The following RBFOX1 variants were observed in gnomAD, a reference collection of about 807,000 sequenced individuals.
RBFOX1 encodes RNA binding protein fox-1 homolog 1.
Under a neutral mutation model 57.7 loss-of-function variants are expected in RBFOX1, and 8 were observed. The observed-to-expected ratio is 0.14, with a 90% CI of 0.08 to 0.25. The LOEUF (loss-of-function observed/expected upper bound fraction) is 0.25, where lower values mean the gene tolerates loss of function less well. RBFOX1 is among the 10% of genes least tolerant of loss of function. RBFOX1 has a pLI of 1.00. For synonymous variants in RBFOX1, 326 were observed against 222.4 expected (o/e 1.47, Z -4.15); for missense variants, 611 against 548.5 (o/e 1.11, Z -1.14).
intron 4 of RBFOX1, among the ~76,000 whole-genome samples, chr16:7,377,967 G>A (rs1243252617): frequency 1.6e-5 from 2 of 126,096 alleles, no homozygotes; most frequent in Non-Finnish European, 3.5e-5. Context: ...AGCCAGGGAG[G>A]TATGGAGAGG....
chr16:6,806,250 T>C (rs2086734546), intron 3 of RBFOX1, among the ~76,000 whole-genome samples: 1 of 152,208 alleles, frequency 6.6e-6, no homozygotes, highest in Non-Finnish European at 1.5e-5. Flanking sequence ...TTTTAGAGAT[T>C]TTTATGAAGT....
At chr16:5,717,692 C>G (rs2051763320) in intron 3 of RBFOX1, among the ~76,000 whole-genome samples, 1 of 152,198 alleles carries the variant, frequency 6.6e-6, no homozygotes, top group African/African-American at 2.4e-5. Flanking sequence ...GCCAGTATAT[C>G]ATTTCAACAC....
intron 3 of RBFOX1, among the ~76,000 whole-genome samples, chr16:7,027,116 G>A (rs557196111): frequency 5.9e-5 from 9 of 152,264 alleles, no homozygotes; most frequent in South Asian, 2.1e-4. Context: ...TCTCCTAAAC[G>A]CTTTCTATGC....
chr16:6,654,800 C>T (rs1185028697), intron 3 of RBFOX1, 150 bp downstream of exon 3: 2 of 566,788 alleles, frequency 3.5e-6, no homozygotes, highest in Non-Finnish European at 5.8e-6. Flanking sequence ...CTTAAAAATG[C>T]TTGTCATTTT....
chr16:6,100,478 C>G (rs1040454725), intron 1 of RBFOX1, among the ~76,000 whole-genome samples: 1 of 152,168 alleles, frequency 6.6e-6, no homozygotes, highest in Non-Finnish European at 1.5e-5. Flanking sequence ...TTGCTTTATT[C>G]TAATGTGATG....
intron 1 of RBFOX1, among the ~76,000 whole-genome samples, chr16:5,402,066 T>C (rs978626973): frequency 6.6e-6 from 1 of 152,092 alleles, no homozygotes; most frequent in African/African-American, 2.4e-5. Context: ...TCCTAAGGCA[T>C]TGGAGAGTAC....
chr16:5,709,331 T>A (rs561739922), intron 3 of RBFOX1, among the ~76,000 whole-genome samples: 96 of 152,330 alleles, frequency 6.3e-4, no homozygotes, highest in Middle Eastern at 3.4e-3. Flanking sequence ...GAGTAAGGAA[T>A]GGTTCTTCTG....
intron 3 of RBFOX1, among the ~76,000 whole-genome samples, chr16:6,882,604 T>TATAA (rs772136751): frequency 3.3e-5 from 5 of 151,940 alleles, no homozygotes; most frequent in Admixed American, 1.3e-4. Context: ...AATAAATAAA[T>TATAA]ATAAATAAAT....
intron 3 of RBFOX1, among the ~76,000 whole-genome samples, chr16:6,839,097 G>C (rs137935976): frequency 4.0e-5 from 6 of 151,624 alleles, no homozygotes; most frequent in Non-Finnish European, 8.8e-5. Context: ...TGATTCTCCC[G>C]CCTCAGCCTC....
At chr16:7,246,041 A>G (rs1386575286) in intron 4 of RBFOX1, among the ~76,000 whole-genome samples, 1 of 152,224 alleles carries the variant, frequency 6.6e-6, no homozygotes, top group Non-Finnish European at 1.5e-5. Context: ...CCCACCTTAG[A>G]TGAATGATTA....
chr16:6,710,418 A>G (rs925595351), intron 3 of RBFOX1, among the ~76,000 whole-genome samples: 3 of 152,210 alleles, frequency 2.0e-5, no homozygotes, highest in Admixed American at 2.0e-4. Context: ...AATATAAAAG[A>G]TATTTTACAT....
chr16:6,576,344 G>A (rs886771996), intron 2 of RBFOX1, among the ~76,000 whole-genome samples: 35 of 152,150 alleles, frequency 2.3e-4, no homozygotes, highest in African/African-American at 8.2e-4. Context: ...TTGGGATGTG[G>A]GAGGAAACCG....
intron 2 of RBFOX1, among the ~76,000 whole-genome samples, chr16:5,586,782 C>T (rs943496199): frequency 1.3e-5 from 2 of 152,218 alleles, no homozygotes; most frequent in African/African-American, 4.8e-5. Flanking sequence ...CAAGTGTAAG[C>T]CACCATGGCT....
chr16:6,776,788 C>G (rs575565827), intron 3 of RBFOX1, among the ~76,000 whole-genome samples: 34 of 152,348 alleles, frequency 2.2e-4, no homozygotes, highest in Middle Eastern at 3.4e-3. Flanking sequence ...GAAGTTAAAT[C>G]TGATACTGTA....
intron 3 of RBFOX1, among the ~76,000 whole-genome samples, chr16:7,046,163 G>C (rs535671556): frequency 3.3e-5 from 5 of 151,798 alleles, no homozygotes; most frequent in African/African-American, 1.2e-4. Context: ...CAGCCATTTA[G>C]TTTATATTTT....
intron 3 of RBFOX1, among the ~76,000 whole-genome samples, chr16:7,015,534 A>C (rs369012653): frequency 6.6e-6 from 1 of 152,218 alleles, no homozygotes; most frequent in Admixed American, 6.5e-5. Context: ...TCAAGCATCA[A>C]TTAATTCTCA....
intron 4 of RBFOX1, among the ~76,000 whole-genome samples, chr16:7,199,756 T>C (rs2087799903): frequency 6.6e-6 from 1 of 152,166 alleles, no homozygotes. Context: ...TAGCTGGGCA[T>C]GGTGGCAGGC....
At chr16:6,334,862 C>A (rs1415311778) in intron 2 of RBFOX1, among the ~76,000 whole-genome samples, 1 of 152,074 alleles carries the variant, frequency 6.6e-6, no homozygotes, top group Admixed American at 6.5e-5. Flanking sequence ...GAAACTTTTC[C>A]CCTGTGGTCA....
chr16:6,344,262 G>A (rs2084981573), intron 2 of RBFOX1, among the ~76,000 whole-genome samples: 1 of 151,984 alleles, frequency 6.6e-6, no homozygotes, highest in African/African-American at 2.4e-5. Context: ...TGTTGGCCAG[G>A]ATGGTCTCTA....
Sources: allele counts gnomAD v4.1 joint callset (sites outside exome capture counted in the v4.1 genomes callset), GRCh38; gene constraint gnomAD v4.1.1; transcripts MANE v1.5; gene names NCBI Gene and HGNC (gene_info 2026-07-23, HGNC 2026-07-21).